The following CSMD1 variants were observed in gnomAD, a reference collection of about 807,000 sequenced individuals.
CSMD1 encodes CUB and Sushi multiple domains 1, also known as CUB and sushi domain-containing protein 1.
A neutral mutation model predicts 417.5 loss-of-function variants in CSMD1; 213 were observed. The observed-to-expected ratio is 0.51, with a 90% confidence interval of 0.46 to 0.57. CSMD1 has a LOEUF of 0.57. CSMD1 is among the 20% of genes least tolerant of loss of function. The pLI, the probability that CSMD1 is intolerant of heterozygous loss-of-function variation, is 0.00. For missense variants in CSMD1, 6,923 were observed against 4,529.7 expected (o/e 1.53, Z -15.17); for synonymous variants, 2,862 against 1,736.8 (o/e 1.65, Z -16.11).
chr8:4,606,204 C>G (rs568611434), intron 2 of CSMD1, among the ~76,000 whole-genome samples: 1 of 152,212 alleles, frequency 6.6e-6, no homozygotes, highest in South Asian at 2.1e-4. Context: ...ACTCAGCACG[C>G]CTTGCAGGTC....
chr8:3,207,204 T>C (rs1739175353), intron 30 of CSMD1, among the ~76,000 whole-genome samples: 1 of 141,646 alleles, frequency 7.1e-6, no homozygotes, highest in Non-Finnish European at 1.5e-5. Flanking sequence ...TGGAGTACAA[T>C]GGCATGATCT....
chr8:3,936,312 G>C (rs772604967), intron 5 of CSMD1, among the ~76,000 whole-genome samples: 8 of 152,158 alleles, frequency 5.3e-5, no homozygotes, highest in Non-Finnish European at 1.2e-4. Context: ...TACACTAAAA[G>C]GCAGATATTG....
At chr8:3,978,634 G>C (rs1217558185) in intron 5 of CSMD1, among the ~76,000 whole-genome samples, 1 of 152,120 alleles carries the variant, frequency 6.6e-6, no homozygotes, top group African/African-American at 2.4e-5. Flanking sequence ...TCTCGTCGCT[G>C]CTGTCTCTCC....
rs1808997037 is a variant in CSMD1 at position 3,359,244 on chromosome 8, C to G, written c.3212G>C (p.Cys1071Ser). The G allele has an allele frequency of 6.2e-7, 1 of 1,613,798 alleles. No individual in the cohort carries two copies. Among genetic ancestry groups the G allele is most frequent in the Admixed American group, 1.7e-5 (1 of 59,990 alleles). Reference protein sequence around the residue: ...FGVGDSLTFSCFLGYRLEGAT... With the variant: ...FGVGDSLTFSSFLGYRLEGAT... ...ACCTTCTAAACGATATCCCAGGAAGCAGGAAAACGTCAGAGAGTCTCCCAC... is the reference window on the plus strand; with the variant it reads ...ACCTTCTAAACGATATCCCAGGAAGGAGGAAAACGTCAGAGAGTCTCCCAC... Residue 1071 changes from cysteine to serine, a missense_variant, in exon 21 of 70, where the codon TGC becomes TCC. Coordinates refer to ENST00000635120, the MANE Select transcript of CSMD1 (RefSeq NM_033225.6).
chr8:3,907,380 T>C (rs911898560), intron 5 of CSMD1, among the ~76,000 whole-genome samples: 2 of 152,216 alleles, frequency 1.3e-5, no homozygotes, highest in African/African-American at 4.8e-5. Flanking sequence ...TTGGGAATTA[T>C]CTAAATGGGG....
chr8:3,083,191 C>A (rs1219076329), intron 49 of CSMD1, among the ~76,000 whole-genome samples: 1 of 151,884 alleles, frequency 6.6e-6, no homozygotes, highest in African/African-American at 2.4e-5. Flanking sequence ...TCTCTTTAAA[C>A]AAAAATGCTA....
At chr8:4,056,118 G>C (rs1162534343) in intron 3 of CSMD1, among the ~76,000 whole-genome samples, 4 of 97,448 alleles carry the variant, frequency 4.1e-5, no homozygotes, top group Non-Finnish European at 5.6e-5. Context: ...GTCTCACTTT[G>C]TCACCCAAGC....
Position 4,261,862 on chromosome 8 carries a change from T to C in CSMD1, c.415+158091A>G, listed in dbSNP as rs1015852798. Among the ~76,000 whole-genome samples, 28 of 152,136 alleles carry C rather than the reference T, an allele frequency of 1.8e-4. 1 individual carries two copies. The highest frequency in any genetic ancestry group is 5.5e-4 in the African/African-American group (23 of 41,446). ...AAAGATTTTGTTCATTATACCCTAA[T>C]GAAACTAGACAAAATGTGTTAAAAA... is the stretch of plus-strand genomic sequence containing the variant. On this transcript the variant is annotated intron_variant, in intron 3 of 69. Coordinates refer to ENST00000635120, the MANE Select transcript of CSMD1 (RefSeq NM_033225.6).
intron 5 of CSMD1, among the ~76,000 whole-genome samples, chr8:3,868,303 G>C (rs1805245037): frequency 6.6e-6 from 1 of 152,010 alleles, no homozygotes; most frequent in Non-Finnish European, 1.5e-5. Context: ...GCTTGCAGGA[G>C]AGATTTCATT....
intron 2 of CSMD1, among the ~76,000 whole-genome samples, chr8:4,474,317 A>G (rs1013452661): frequency 1.3e-5 from 2 of 152,228 alleles, no homozygotes; most frequent in Non-Finnish European, 2.9e-5. Context: ...TAGAAAAAAA[A>G]CATACCACTC....
chr8:4,402,101 C>T (rs951783640), intron 3 of CSMD1, among the ~76,000 whole-genome samples: 9 of 152,064 alleles, frequency 5.9e-5, no homozygotes, highest in Admixed American at 2.0e-4. Context: ...CCTCCCCTTC[C>T]GATGAACTTG....
At chr8:3,673,212 G>A (rs954182184) in intron 7 of CSMD1, among the ~76,000 whole-genome samples, 9 of 152,276 alleles carry the variant, frequency 5.9e-5, no homozygotes, top group African/African-American at 1.9e-4. Context: ...ATGCCCCTGT[G>A]CATGAACCAC....
chr8:4,235,280 A>G (rs1005547025), intron 3 of CSMD1, among the ~76,000 whole-genome samples: 1 of 152,158 alleles, frequency 6.6e-6, no homozygotes, highest in African/African-American at 2.4e-5. Flanking sequence ...CATAAAACTC[A>G]CATACAAAAA....
chr8:3,067,230 T>A (rs1812996117), intron 49 of CSMD1, among the ~76,000 whole-genome samples: 1 of 152,154 alleles, frequency 6.6e-6, no homozygotes, highest in South Asian at 2.1e-4. Flanking sequence ...GATACCATGA[T>A]ACTCTGTCTC....
At chr8:4,915,281 A>G (rs1168625814) in intron 1 of CSMD1, among the ~76,000 whole-genome samples, 3 of 152,224 alleles carry the variant, frequency 2.0e-5, no homozygotes, top group African/African-American at 7.2e-5. Context: ...TCATAGGCAT[A>G]ACACCCCTCC....
intron 47 of CSMD1, among the ~76,000 whole-genome samples, chr8:3,096,421 A>G (rs1392130476): frequency 6.6e-6 from 1 of 151,844 alleles, no homozygotes; most frequent in Non-Finnish European, 1.5e-5. Flanking sequence ...TAAAAATGGG[A>G]TTTTTCCCTG....
At chr8:4,467,181 A>C (rs985299964) in intron 2 of CSMD1, among the ~76,000 whole-genome samples, 3 of 152,058 alleles carry the variant, frequency 2.0e-5, no homozygotes, top group African/African-American at 4.8e-5. Flanking sequence ...CTCGTTCTGT[A>C]AACAATGTTC....
chr8:4,543,789 C>A (rs1483254063), intron 2 of CSMD1, among the ~76,000 whole-genome samples: 1 of 151,302 alleles, frequency 6.6e-6, no homozygotes, highest in Non-Finnish European at 1.5e-5. Context: ...ATATTCTCAC[C>A]AGCATTTGAT....
At chr8:4,248,772 C>G (rs998356323) in intron 3 of CSMD1, among the ~76,000 whole-genome samples, 2 of 152,110 alleles carry the variant, frequency 1.3e-5, no homozygotes, top group South Asian at 4.1e-4. Context: ...GCATGGTTTA[C>G]TGTCAGTTTT....
Sources: allele counts gnomAD v4.1 joint callset (sites outside exome capture counted in the v4.1 genomes callset), GRCh38; gene constraint gnomAD v4.1.1; transcripts MANE v1.5; gene names NCBI Gene and HGNC (gene_info 2026-07-23, HGNC 2026-07-21).